HS6ST2: variants seen among roughly 807,000 people sequenced by gnomAD.
HS6ST2 encodes heparan sulfate 6-O-sulfotransferase 2, also known as heparan-sulfate 6-O-sulfotransferase 2.
HS6ST2 carries 17 observed loss-of-function variants against 33.0 expected under a neutral mutation model. That is an observed-to-expected ratio of 0.52 (90% CI 0.35 to 0.77). The LOEUF is 0.77. HS6ST2 is among the 30% of genes least tolerant of loss of function. The pLI, the probability that HS6ST2 is intolerant of heterozygous loss-of-function variation, is 0.01. For missense variants in HS6ST2, 519 were observed against 551.7 expected (o/e 0.94, Z 0.59); for synonymous variants, 248 against 237.1 (o/e 1.05, Z -0.42).
chrX:132,940,145 T>C, intron 2 of HS6ST2, among the ~76,000 whole-genome samples: 1 of 112,311 alleles, frequency 8.9e-6, no homozygotes, highest in Non-Finnish European at 1.9e-5. Flanking sequence ...CAAACATTTA[T>C]GATCAACCGG....
At chrX:132,795,544 A>G (rs1460860062) in intron 2 of HS6ST2, among the ~76,000 whole-genome samples, 1 of 111,872 alleles carries the variant, frequency 8.9e-6, no homozygotes, top group Non-Finnish European at 1.9e-5. Context: ...TGAAATTTAC[A>G]TGTACTTTTC....
Position 132,743,804 on chromosome X carries a change from G to A in HS6ST2, c.948-35310C>T, listed in dbSNP as rs140108508. 2.3e-3 allele frequency among the ~76,000 whole-genome samples: 252 copies of A among 111,834 alleles called. 3 individuals are homozygous for A. The highest frequency in any genetic ancestry group is 7.9e-3 in the African/African-American group (242 of 30,747). Reference sequence around the variant, plus strand: ...GTTTTTTGAGACAAGGTCTCACTCTGTTGCCCAGGCTGGAATGCAATGATG... The same window carrying A: ...GTTTTTTGAGACAAGGTCTCACTCTATTGCCCAGGCTGGAATGCAATGATG... On this transcript the variant is annotated intron_variant, in intron 2 of 4. Coordinates refer to ENST00000370833, the MANE Select transcript of HS6ST2 (RefSeq NM_001394073.1).
chrX:132,777,553 C>T (rs1302192242), intron 2 of HS6ST2, among the ~76,000 whole-genome samples: 2 of 109,429 alleles, frequency 1.8e-5, no homozygotes, highest in Non-Finnish European at 3.8e-5. Context: ...GCCTCAGCCT[C>T]CCGAGTAGCT....
chrX:132,747,527 A>G (rs1385886518), intron 2 of HS6ST2, among the ~76,000 whole-genome samples: 1 of 110,725 alleles, frequency 9.0e-6, no homozygotes, highest in South Asian at 4.0e-4. Flanking sequence ...GCTGAGAGAG[A>G]CTGCAGCCCA....
At chrX:132,690,739 T>C in intron 3 of HS6ST2, among the ~76,000 whole-genome samples, 1 of 112,357 alleles carries the variant, frequency 8.9e-6, no homozygotes, top group Non-Finnish European at 1.9e-5. Context: ...AATTTTATTT[T>C]ACACCCAGAA....
At chrX:132,952,064 T>C (rs935162588) in intron 2 of HS6ST2, among the ~76,000 whole-genome samples, 3 of 111,857 alleles carry the variant, frequency 2.7e-5, no homozygotes, top group Non-Finnish European at 5.6e-5. Flanking sequence ...ACATACTACC[T>C]CAGTTGATGA....
chrX:132,911,811 G>T (rs182022311), intron 2 of HS6ST2, among the ~76,000 whole-genome samples: 2,843 of 110,263 alleles, frequency 0.026, 115 homozygotes, highest in Admixed American at 0.17. Flanking sequence ...CTAATTTTTT[G>T]TATTTTTAGT....
Position 132,935,280 on chromosome X carries a change from C to T in HS6ST2, c.947+21528G>A, listed in dbSNP as rs1163306584. On this transcript the variant is annotated intron_variant, in intron 2 of 4. Coordinates refer to ENST00000370833, the MANE Select transcript of HS6ST2 (RefSeq NM_001394073.1). The stretch of plus-strand genomic sequence containing the variant: ...GTTTTAGCAACATCTATAGAACACT[C>T]CACCACCAACAGCAAAATAGTCTTC... Among the ~76,000 whole-genome samples, 5 of 100,002 alleles carry T rather than the reference C, an allele frequency of 5.0e-5. No homozygotes were observed. In the East Asian group the frequency reaches 1.3e-3, roughly 25 times the overall value. The allele number at this position is 100,002 out of a possible 115,157, so 86.8% of individuals were successfully genotyped here. A position where few individuals can be genotyped will look rare whatever the true frequency, so the allele number is the denominator to read the frequency against.
At chrX:132,880,367 C>G (rs2066153814) in intron 2 of HS6ST2, among the ~76,000 whole-genome samples, 1 of 109,959 alleles carries the variant, frequency 9.1e-6, no homozygotes, top group South Asian at 4.0e-4. Context: ...GAAACACTGT[C>G]TCTCCTAAAA....
Position 132,744,377 on chromosome X carries a change from G to A in HS6ST2, c.948-35883C>T, listed in dbSNP as rs187722471. Reference sequence around the variant, plus strand: ...AAACTTGGAGGTAATAAGCTACACGGCCCCTGAGATCTGAAGGACTACAGT... The same window carrying A: ...AAACTTGGAGGTAATAAGCTACACGACCCCTGAGATCTGAAGGACTACAGT... On this transcript the variant is annotated intron_variant, in intron 2 of 4. Coordinates refer to ENST00000370833, the MANE Select transcript of HS6ST2 (RefSeq NM_001394073.1). Among the ~76,000 whole-genome samples, 9 of 111,464 alleles carry A rather than the reference G, an allele frequency of 8.1e-5. No individual in the cohort carries two copies. The East Asian group carries it at 2.6e-3, about 32-fold the overall frequency.
intron 2 of HS6ST2, among the ~76,000 whole-genome samples, chrX:132,828,701 C>T (rs1271217405): frequency 0.45 from 32,314 of 72,509 alleles, 7,299 homozygotes; most frequent in African/African-American, 0.63. Context: ...TATACACACA[C>T]ACACACACAC....
intron 4 of HS6ST2, among the ~76,000 whole-genome samples, chrX:132,637,911 TAATATTTTATATA>T (rs1569476024): frequency 5.2e-4 from 26 of 50,430 alleles, no homozygotes; most frequent in African/African-American, 5.1e-3. Context: ...ATATTATATA[TAATATTTTATATA>T]TATATTATAT....
intron 2 of HS6ST2, among the ~76,000 whole-genome samples, chrX:132,751,459 CTGCTCCTAGCTCCCAGGG>C (rs1297577433): frequency 1.8e-5 from 2 of 112,182 alleles, no homozygotes; most frequent in African/African-American, 6.5e-5. Flanking sequence ...ATTCTCAGGG[CTGCTCCTAGCTCCCAGGG>C]ATCTGAGTGC....
chrX:132,757,642 C>T (rs920050292), intron 2 of HS6ST2, among the ~76,000 whole-genome samples: 3 of 110,920 alleles, frequency 2.7e-5, no homozygotes, highest in Non-Finnish European at 5.7e-5. Context: ...CCACCCACCA[C>T]GTGCAACTTC....
chrX:132,912,106 T>C (rs1313001354), intron 2 of HS6ST2, among the ~76,000 whole-genome samples: 1 of 112,636 alleles, frequency 8.9e-6, no homozygotes, highest in Non-Finnish European at 1.9e-5. Flanking sequence ...TCCTGACCCA[T>C]ATCTGTATGA....
intron 2 of HS6ST2, among the ~76,000 whole-genome samples, chrX:132,804,346 C>T (rs1186539426): frequency 8.9e-6 from 1 of 111,964 alleles, no homozygotes; most frequent in Non-Finnish European, 1.9e-5. Context: ...ACACCACATA[C>T]CACCTAGCCC....
chrX:132,880,480 G>A (rs1201639772), intron 2 of HS6ST2, among the ~76,000 whole-genome samples: 1 of 105,869 alleles, frequency 9.4e-6, no homozygotes, highest in Non-Finnish European at 1.9e-5. Flanking sequence ...AAGTTGCAGC[G>A]AGCCACTACA....
intron 2 of HS6ST2, among the ~76,000 whole-genome samples, chrX:132,944,921 T>C (rs980080893): frequency 3.6e-5 from 4 of 111,685 alleles, no homozygotes; most frequent in South Asian, 3.8e-4. Context: ...GCCTAGGCAA[T>C]ACCATTCAGG....
chrX:132,887,195 G>A (rs1243056224), intron 2 of HS6ST2, among the ~76,000 whole-genome samples: 1 of 110,984 alleles, frequency 9.0e-6, no homozygotes, highest in East Asian at 2.8e-4. Context: ...CAGTAAAACT[G>A]TCCTTTGAAA....
Sources: allele counts gnomAD v4.1 joint callset (sites outside exome capture counted in the v4.1 genomes callset), GRCh38; gene constraint gnomAD v4.1.1; transcripts MANE v1.5; gene names NCBI Gene and HGNC (gene_info 2026-07-23, HGNC 2026-07-21).